The following MTA3 variants were observed in gnomAD, a reference collection of about 807,000 sequenced individuals.
MTA3 encodes metastasis associated 1 family member 3, also known as metastasis-associated protein MTA3.
In MTA3, 34 loss-of-function variants were observed where a neutral mutation model predicts 83.5. That is an observed-to-expected ratio of 0.41 (90% CI 0.31 to 0.54). The LOEUF (loss-of-function observed/expected upper bound fraction) is 0.54, where lower values mean the gene tolerates loss of function less well. Ranked by LOEUF, MTA3 falls within the 20% of genes least tolerant of loss-of-function variation. The probability of loss-of-function intolerance (pLI) is 0.33; values close to 1 mark genes in which losing one functional copy is unlikely to be tolerated. For synonymous variants in MTA3, 303 were observed against 252.7 expected (o/e 1.20, Z -1.89); for missense variants, 761 against 726.4 (o/e 1.05, Z -0.55).
intron 2 of MTA3, among the ~76,000 whole-genome samples, chr2:42,526,349 G>A (rs750336653): frequency 1.3e-4 from 20 of 152,168 alleles, no homozygotes; most frequent in Non-Finnish European, 2.1e-4. Context: ...ACAGGCGCAT[G>A]CCACCGAGGC....
At chr2:42,664,088 C>G (rs374984040) in intron 8 of MTA3, among the ~76,000 whole-genome samples, 2 of 152,084 alleles carry the variant, frequency 1.3e-5, no homozygotes, top group African/African-American at 2.4e-5. Flanking sequence ...TTCTATCTAC[C>G]CTTCCACCTC....
chr2:42,636,061 G>A (rs986936873), intron 4 of MTA3, among the ~76,000 whole-genome samples: 3 of 152,100 alleles, frequency 2.0e-5, no homozygotes, highest in Non-Finnish European at 2.9e-5. Context: ...GAGCCACGGC[G>A]CCGGGCCAGG....
chr2:42,599,328 C>G (rs1682249840), intron 3 of MTA3, among the ~76,000 whole-genome samples: 1 of 152,164 alleles, frequency 6.6e-6, no homozygotes, highest in African/African-American at 2.4e-5. Context: ...GCGGCTTATG[C>G]CTGTAATCCC....
intron 2 of MTA3, chr2:42,532,738 G>GTTTTTT: frequency 5.1e-6 from 1 of 197,244 alleles, no homozygotes; most frequent in Non-Finnish European, 1.0e-5. Context: ...CAATCCAGAG[G>GTTTTTT]TTTTTTTTTT....
At position 42,745,974 on chromosome 2, in the gene MTA3, C is replaced by G. The variant is rs942232058; in HGVS notation, c.1760-7400C>G. 2.6e-5 allele frequency among the ~76,000 whole-genome samples: 4 copies of G among 151,934 alleles called. No individual in the cohort carries two copies. In the East Asian group the frequency reaches 7.8e-4, roughly 30 times the overall value. On this transcript the variant is annotated intron_variant, in intron 16 of 16. Coordinates refer to ENST00000405094, the MANE Select transcript of MTA3 (RefSeq NM_001330442.2). ...GATTACAGCCATGCGCCACCACGCC[C>G]AGCTAATTTTTGTATTTTTAGTAGA... is the stretch of plus-strand genomic sequence containing the variant.
intron 3 of MTA3, among the ~76,000 whole-genome samples, chr2:42,589,357 A>G (rs1680701244): frequency 1.3e-5 from 2 of 152,140 alleles, no homozygotes; most frequent in Non-Finnish European, 2.9e-5. Flanking sequence ...ATATATTTTC[A>G]TCTAATTCTT....
intron 3 of MTA3, among the ~76,000 whole-genome samples, chr2:42,593,011 G>A (rs1239986992): frequency 2.0e-5 from 3 of 151,818 alleles, no homozygotes; most frequent in Non-Finnish European, 1.5e-5. Flanking sequence ...AAGTTAGCTG[G>A]GTGTGGTGGC....
chr2:42,698,755 C>G (rs1303900225), intron 11 of MTA3, among the ~76,000 whole-genome samples: 1 of 152,122 alleles, frequency 6.6e-6, no homozygotes, highest in African/African-American at 2.4e-5. Flanking sequence ...GAGGAGGCCT[C>G]ATAGACAATG....
At chr2:42,694,951 C>T (rs1189346695) in intron 9 of MTA3, among the ~76,000 whole-genome samples, 1 of 151,840 alleles carries the variant, frequency 6.6e-6, no homozygotes, top group African/African-American at 2.4e-5. Flanking sequence ...CCAGCCTGGG[C>T]AACATAGGGA....
chr2:42,617,991 C>T (rs1685110648), intron 4 of MTA3, among the ~76,000 whole-genome samples: 1 of 151,862 alleles, frequency 6.6e-6, no homozygotes, highest in South Asian at 2.1e-4. Context: ...GTTGCCCAGG[C>T]TGATGGGCAA....
intron 2 of MTA3, among the ~76,000 whole-genome samples, chr2:42,559,722 C>CA (rs1244875398): frequency 1.4e-5 from 2 of 144,804 alleles, no homozygotes; most frequent in African/African-American, 2.6e-5. Flanking sequence ...CTACTAAACA[C>CA]AAAATTAGCC....
At chr2:42,630,044 A>T (rs529465655) in intron 4 of MTA3, among the ~76,000 whole-genome samples, 1 of 152,128 alleles carries the variant, frequency 6.6e-6, no homozygotes, top group Non-Finnish European at 1.5e-5. Flanking sequence ...CCCAAGTGCT[A>T]GGATTACAGG....
At chr2:42,633,717 C>T (rs576195333) in intron 4 of MTA3, among the ~76,000 whole-genome samples, 66 of 151,980 alleles carry the variant, frequency 4.3e-4, no homozygotes, top group Non-Finnish European at 7.8e-4. Flanking sequence ...CAGTGAAACC[C>T]CGTCTCTACT....
intron 2 of MTA3, among the ~76,000 whole-genome samples, chr2:42,572,265 T>C (rs12998822): frequency 0.78 from 117,461 of 151,416 alleles, 46,129 homozygotes; most frequent in African/African-American, 0.9. Context: ...GGTGACAGAG[T>C]GAGACTGTCT....
At chr2:42,562,558 C>T (rs906761187) in intron 2 of MTA3, among the ~76,000 whole-genome samples, 5 of 152,308 alleles carry the variant, frequency 3.3e-5, no homozygotes, top group African/African-American at 4.8e-5. Flanking sequence ...CTTGGTTTCC[C>T]GGTCTGCCTT....
chr2:42,561,746 G>A (rs756035941), intron 2 of MTA3, among the ~76,000 whole-genome samples: 2 of 152,104 alleles, frequency 1.3e-5, no homozygotes, highest in Non-Finnish European at 2.9e-5. Flanking sequence ...AGTGGTGAGG[G>A]GGTCCCCTTC....
chr2:42,573,193 T>G (rs370390899), intron 2 of MTA3, among the ~76,000 whole-genome samples: 4 of 152,376 alleles, frequency 2.6e-5, no homozygotes, highest in African/African-American at 9.6e-5. Flanking sequence ...TCTTTGAGTC[T>G]GTCTAGCTAA....
intron 2 of MTA3, among the ~76,000 whole-genome samples, chr2:42,543,473 G>C (rs1316860601): frequency 1.3e-5 from 2 of 151,308 alleles, no homozygotes; most frequent in African/African-American, 4.9e-5. Flanking sequence ...ACTGCTCCCA[G>C]CCAACAGTTC....
chr2:42,710,975 A>G (rs1269510655), intron 14 of MTA3, among the ~76,000 whole-genome samples: 1 of 152,140 alleles, frequency 6.6e-6, no homozygotes, highest in Non-Finnish European at 1.5e-5. Context: ...GCTGCTTGGA[A>G]GGCTGAGGCA....
Sources: gnomAD v4.1 joint callset for allele counts (sites outside exome capture counted in the v4.1 genomes callset) on GRCh38, gnomAD v4.1.1 for gene constraint, MANE v1.5 for transcripts, NCBI Gene and HGNC (gene_info 2026-07-23, HGNC 2026-07-21) for gene names.